TRAF5: variants seen among roughly 807,000 people sequenced by gnomAD.
TRAF5 encodes the protein TNF receptor-associated factor 5.
A neutral mutation model predicts 64.5 loss-of-function variants in TRAF5; 48 were observed. The observed-to-expected ratio is 0.74, with a 90% CI of 0.59 to 0.95. The LOEUF is 0.95. TRAF5 is among the 40% of genes least tolerant of loss of function. TRAF5 has a pLI of 0.00. For synonymous variants in TRAF5, 206 were observed against 240.5 expected (o/e 0.86, Z 1.33); for missense variants, 545 against 662.8 (o/e 0.82, Z 1.95).
intron 1 of TRAF5, among the ~76,000 whole-genome samples, chr1:211,349,747 CT>C (rs1425684043): frequency 6.6e-6 from 1 of 152,076 alleles, no homozygotes; most frequent in Non-Finnish European, 1.5e-5. Context: ...TGGAGGGAAC[CT>C]GAACTGAGTT....
At chr1:211,359,866 C>T (rs1373678428) in intron 4 of TRAF5, 46 bp from the exon 5 acceptor site, 3 of 1,610,206 alleles carry the variant, frequency 1.9e-6, no homozygotes, top group Admixed American at 3.3e-5. Context: ...TTCTTTCCTA[C>T]CACCCTGGTC....
intron 9 of TRAF5, 25 bp from the exon 10 acceptor site, chr1:211,371,277 A>G: frequency 3.9e-6 from 6 of 1,550,858 alleles, no homozygotes; most frequent in Non-Finnish European, 3.5e-6. Flanking sequence ...TTTTTTAAAC[A>G]TGATTATCCA....
At chr1:211,353,563 C>A in intron 2 of TRAF5, 106 bp downstream of exon 2, 1 of 1,134,740 alleles carries the variant, frequency 8.8e-7, no homozygotes, top group Non-Finnish European at 1.3e-6. Context: ...TTTACTTGGC[C>A]ACAGAACCAT....
At chr1:211,367,059 G>T (rs894460289) in intron 8 of TRAF5, among the ~76,000 whole-genome samples, 5 of 152,118 alleles carry the variant, frequency 3.3e-5, no homozygotes, top group Non-Finnish European at 7.4e-5. Flanking sequence ...TGGACTGTCT[G>T]TAATCTCTGC....
At chr1:211,367,773 T>C (rs2102768849) in intron 8 of TRAF5, among the ~76,000 whole-genome samples, 1 of 152,290 alleles carries the variant, frequency 6.6e-6, no homozygotes, top group African/African-American at 2.4e-5. Context: ...AAATAAAGGA[T>C]TCCAGGGCCA....
At chr1:211,341,662 GGA>G (rs1050776726) in intron 1 of TRAF5, among the ~76,000 whole-genome samples, 19 of 152,288 alleles carry the variant, frequency 1.2e-4, no homozygotes, top group Admixed American at 9.8e-4. Flanking sequence ...GGAATGGGAA[GGA>G]GAGAGGGGAG....
intron 7 of TRAF5, among the ~76,000 whole-genome samples, chr1:211,363,645 T>C (rs2102762151): frequency 6.6e-6 from 1 of 152,304 alleles, no homozygotes; most frequent in African/African-American, 2.4e-5. Context: ...TTGTCACATA[T>C]CAAACCAGAG....
intron 1 of TRAF5, among the ~76,000 whole-genome samples, chr1:211,329,397 G>A (rs940105206): frequency 2.0e-5 from 3 of 152,170 alleles, no homozygotes; most frequent in African/African-American, 7.2e-5. Flanking sequence ...TACAGCTTAC[G>A]AGAAGCCCAT....
chr1:211,340,418 G>A (rs1702416210), intron 1 of TRAF5, among the ~76,000 whole-genome samples: 1 of 152,190 alleles, frequency 6.6e-6, no homozygotes, highest in Non-Finnish European at 1.5e-5. Context: ...CCGAGTAGCT[G>A]GGATTACAGG....
intron 1 of TRAF5, among the ~76,000 whole-genome samples, chr1:211,336,843 A>G (rs1169256258): frequency 6.6e-6 from 1 of 152,244 alleles, no homozygotes; most frequent in Non-Finnish European, 1.5e-5. Flanking sequence ...TCTTTTTGGT[A>G]GAGACGGGTT....
chr1:211,335,899 G>C (rs998784748), intron 1 of TRAF5, among the ~76,000 whole-genome samples: 1 of 152,206 alleles, frequency 6.6e-6, no homozygotes, highest in Non-Finnish European at 1.5e-5. Context: ...GGCAGGGAAG[G>C]GGCAGAGCAG....
chr1:211,361,229 A>C, intron 7 of TRAF5, 67 bp downstream of exon 7: 1 of 1,411,238 alleles, frequency 7.1e-7, no homozygotes, highest in Non-Finnish European at 1.0e-6. Flanking sequence ...AGTTCAGTTT[A>C]CTCTCTGTTC....
intron 1 of TRAF5, among the ~76,000 whole-genome samples, chr1:211,341,468 T>C (rs6665203): frequency 6.6e-6 from 1 of 152,220 alleles, no homozygotes; most frequent in African/African-American, 2.4e-5. Flanking sequence ...TCCCAGGCTG[T>C]ATATGGCCTC....
At chr1:211,330,407 C>G (rs994960814) in intron 1 of TRAF5, among the ~76,000 whole-genome samples, 7 of 151,382 alleles carry the variant, frequency 4.6e-5, no homozygotes, top group African/African-American at 9.7e-5. Context: ...GTGCTCTCCT[C>G]CAGAACAAGG....
chr1:211,361,535 A>G (rs1703179323), intron 7 of TRAF5, among the ~76,000 whole-genome samples: 1 of 152,108 alleles, frequency 6.6e-6, no homozygotes, highest in African/African-American at 2.4e-5. Flanking sequence ...CCACCACACT[A>G]TGGAGGGTAA....
At chr1:211,361,014 C>G in intron 6 of TRAF5, 74 bp from the exon 7 acceptor site, 1 of 1,488,912 alleles carries the variant, frequency 6.7e-7, no homozygotes, top group Non-Finnish European at 9.4e-7. Flanking sequence ...TCCCAAGCCA[C>G]TCTTGGCTCC....
chr1:211,349,728 A>G (rs752386726), intron 1 of TRAF5, among the ~76,000 whole-genome samples: 2 of 152,234 alleles, frequency 1.3e-5, no homozygotes, highest in African/African-American at 2.4e-5. Flanking sequence ...GGGAGAGTGC[A>G]GAGTGTAGTG....
intron 3 of TRAF5, 50 bp downstream of exon 3, chr1:211,354,517 A>T: frequency 1.3e-6 from 2 of 1,583,276 alleles, no homozygotes; most frequent in South Asian, 1.1e-5. Context: ...GATGGAGAAG[A>T]AGTCAGTGAA....
In TRAF5 at chr1:211,326,876, G is replaced by T; in HGVS notation, c.-15G>T. 3 of 985,070 alleles carry T rather than the reference G, an allele frequency of 3.0e-6. No individual in the cohort carries two copies. Among genetic ancestry groups the T allele is most frequent in the Non-Finnish European group, 3.6e-6 (3 of 829,560 alleles). 61.0% of individuals were successfully genotyped at this position (985,070 alleles called of 1,614,324 possible). A position where few individuals can be genotyped will look rare whatever the true frequency, so the allele number is the denominator to read the frequency against. On this transcript the variant is annotated 5_prime_UTR_variant, in exon 1 of 11. Coordinates refer to ENST00000261464, the MANE Select transcript of TRAF5 (RefSeq NM_001033910.3). This position sits in a 1 kb window ranked among gnomAD's most constrained non-coding sequence, Gnocchi z 5.0. ...TGCAGACCGGCCTCGCGGAGCCCGC[G>T]CGCCGAGCCCCACGTGAGTCCGGCG...
Sources: gnomAD v4.1 joint callset for allele counts (sites outside exome capture counted in the v4.1 genomes callset) on GRCh38, gnomAD v4.1.1 for gene constraint, Gnocchi (gnomAD v3.1) non-coding constraint, MANE v1.5 for transcripts, NCBI Gene and HGNC (gene_info 2026-07-23, HGNC 2026-07-21) for gene names.